The following DMD variants were observed in gnomAD, a reference collection of about 807,000 sequenced individuals.
DMD encodes mutant dystrophin.
DMD carries 63 observed loss-of-function variants against 330.1 expected under a neutral mutation model. The ratio of observed to expected loss-of-function variants is 0.19; its 90% CI spans 0.16 to 0.24. The LOEUF is 0.24. Ranked by LOEUF, DMD falls within the 10% of genes least tolerant of loss-of-function variation. The pLI is 1.00. For missense variants in DMD, 3,344 were observed against 2,684.1 expected (o/e 1.25, Z -5.43); for synonymous variants, 1,223 against 959.8 (o/e 1.27, Z -5.07).
At chrX:31,853,369 G>A (rs1014789447) in intron 48 of DMD, among the ~76,000 whole-genome samples, 3 of 112,163 alleles carry the variant, frequency 2.7e-5, no homozygotes, top group Non-Finnish European at 5.6e-5. Flanking sequence ...GAAAATAGGT[G>A]GAGGACTAAA....
intron 51 of DMD, among the ~76,000 whole-genome samples, chrX:31,760,942 ATT>A (rs35766737): frequency 4.0e-4 from 32 of 80,874 alleles, no homozygotes; most frequent in East Asian, 1.2e-3. Context: ...CCTAGTTAGT[ATT>A]TTTTTTTTTT....
intron 30 of DMD, among the ~76,000 whole-genome samples, chrX:32,391,339 G>C (rs1380748304): frequency 9.0e-6 from 1 of 111,324 alleles, no homozygotes; most frequent in Non-Finnish European, 1.9e-5. Context: ...CATATCATTA[G>C]AAGATAACAT....
intron 44 of DMD, among the ~76,000 whole-genome samples, chrX:32,141,018 G>C (rs971856142): frequency 5.4e-5 from 6 of 111,630 alleles, no homozygotes; most frequent in African/African-American, 2.0e-4. Flanking sequence ...ATGTTTTTGA[G>C]AAGTTTATAG....
chrX:32,208,038 G>A (rs1316717808), intron 44 of DMD, among the ~76,000 whole-genome samples: 3 of 112,043 alleles, frequency 2.7e-5, no homozygotes, highest in African/African-American at 9.7e-5. Context: ...TGTAAAGCCA[G>A]GATTTTGAGA....
At chrX:32,122,905 C>A (rs1442898079) in intron 44 of DMD, among the ~76,000 whole-genome samples, 1 of 110,078 alleles carries the variant, frequency 9.1e-6, no homozygotes, top group Non-Finnish European at 1.9e-5. Flanking sequence ...ATAATTTTAT[C>A]TAAGTAAATG....
intron 1 of DMD, among the ~76,000 whole-genome samples, chrX:33,139,664 G>C (rs1000539647): frequency 9.2e-6 from 1 of 109,200 alleles, no homozygotes; most frequent in Non-Finnish European, 1.9e-5. Flanking sequence ...TTCCTGCCCT[G>C]GCCACATGAC....
chrX:32,190,520 G>A (rs1041502593), intron 44 of DMD, among the ~76,000 whole-genome samples: 4 of 87,997 alleles, frequency 4.5e-5, no homozygotes, highest in Non-Finnish European at 6.5e-5. Flanking sequence ...AAACATTGTC[G>A]TCATATTCTA....
intron 7 of DMD, among the ~76,000 whole-genome samples, chrX:32,774,724 G>A (rs1246846522): frequency 9.0e-6 from 1 of 110,794 alleles, no homozygotes; most frequent in African/African-American, 3.3e-5. Context: ...TTGACACGTG[G>A]GGATTACAAT....
chrX:31,887,368 A>G (rs1328681756), intron 47 of DMD, among the ~76,000 whole-genome samples: 2 of 111,325 alleles, frequency 1.8e-5, no homozygotes, highest in Non-Finnish European at 1.9e-5. Context: ...TGTGTGACTG[A>G]TTTCCAATAG....
intron 62 of DMD, among the ~76,000 whole-genome samples, chrX:31,266,159 CAAAAAAAAAA>C (rs1174153877): frequency 7.5e-5 from 1 of 13,333 alleles, no homozygotes; most frequent in South Asian, 9.2e-3. Context: ...TCCCGAAGGG[CAAAAAAAAAA>C]AAAAAAAAAA....
chrX:32,832,083 T>C (rs142720273), intron 4 of DMD, among the ~76,000 whole-genome samples: 1,225 of 111,149 alleles, frequency 0.011, 22 homozygotes, highest in African/African-American at 0.038. Context: ...TTTCAGAGTT[T>C]GATATTTGTC....
chrX:31,605,730 T>C (rs373955584), intron 55 of DMD, among the ~76,000 whole-genome samples: 2 of 111,388 alleles, frequency 1.8e-5, no homozygotes. Context: ...AATTTATGTG[T>C]TCTAATATTA....
Position 32,463,610 on chromosome X carries a change from A to C in DMD, c.3277-16T>G. The C allele has an allele frequency of 9.0e-7, 1 of 1,113,799 alleles. No homozygotes were observed. The highest frequency in any genetic ancestry group is 1.2e-6 in the Non-Finnish European group (1 of 842,934). The allele number at this position is 1,113,799 out of a possible 1,213,427, so 91.8% of individuals were successfully genotyped here. ...TGACTAAAAGCTAAGAAAATAAATC[A>C]ATTTAAGCCAGCTGAAAAAAATTAC... On this transcript the variant is annotated splice_polypyrimidine_tract_variant and intron_variant, in intron 24 of 78. Coordinates refer to ENST00000357033, the MANE Select transcript of DMD (RefSeq NM_004006.3).
intron 17 of DMD, among the ~76,000 whole-genome samples, chrX:32,518,602 C>T (rs2148808819): frequency 9.0e-6 from 1 of 111,232 alleles, no homozygotes; most frequent in Admixed American, 9.6e-5. Context: ...AGTAAGAGTA[C>T]TGCAAGTAAG....
At chrX:32,253,635 T>A (rs748650556) in intron 43 of DMD, among the ~76,000 whole-genome samples, 35 of 107,147 alleles carry the variant, frequency 3.3e-4, no homozygotes, top group African/African-American at 1.2e-3. Context: ...CTTTTTTTTT[T>A]TTTTTTGAGA....
At chrX:31,640,645 G>A (rs1413961167) in intron 54 of DMD, among the ~76,000 whole-genome samples, 2 of 112,398 alleles carry the variant, frequency 1.8e-5, no homozygotes, top group East Asian at 5.6e-4. Flanking sequence ...GTGAGTAAAT[G>A]TCAAGGTCCT....
chrX:32,262,905 C>G (rs933886967), intron 43 of DMD, among the ~76,000 whole-genome samples: 1 of 111,611 alleles, frequency 9.0e-6, no homozygotes, highest in Non-Finnish European at 1.9e-5. Flanking sequence ...CACATGGGAC[C>G]AGATAAGATC....
At chrX:31,709,582 G>C (rs202028450) in intron 52 of DMD, among the ~76,000 whole-genome samples, 87 of 75,163 alleles carry the variant, frequency 1.2e-3, no homozygotes, top group African/African-American at 4.6e-3. Context: ...CTCTCTCTCT[G>C]TCTGTGTGTG....
At chrX:31,689,277 G>A (rs1283540914) in intron 52 of DMD, among the ~76,000 whole-genome samples, 1 of 112,178 alleles carries the variant, frequency 8.9e-6, no homozygotes, top group Non-Finnish European at 1.9e-5. Context: ...AAAGTCTCAG[G>A]ATATAAAATC....
Sources: allele counts gnomAD v4.1 joint callset (sites outside exome capture counted in the v4.1 genomes callset), GRCh38; gene constraint gnomAD v4.1.1; transcripts MANE v1.5; gene names NCBI Gene and HGNC (gene_info 2026-07-23, HGNC 2026-07-21).